Variants in ERC2 observed in about 807,000 individuals in gnomAD.
ERC2 encodes ERC protein 2.
In ERC2, 42 loss-of-function variants were observed where a neutral mutation model predicts 114.8. The observed-to-expected ratio is 0.37, with a 90% CI of 0.29 to 0.47. The LOEUF is 0.47. Among genes scored for constraint, ERC2 ranks in the 20% least tolerant of loss-of-function variants. The pLI is 0.99. For synonymous variants in ERC2, 454 were observed against 425.5 expected, an observed-to-expected ratio of 1.07 and a Z score of -0.82; for missense variants, 939 against 1,150.7, an observed-to-expected ratio of 0.82 and a Z score of 2.66.
At chr3:56,120,536 G>A (rs1264388823) in intron 6 of ERC2, among the ~76,000 whole-genome samples, 2 of 152,092 alleles carry the variant, frequency 1.3e-5, no homozygotes, top group African/African-American at 4.8e-5. Context: ...GGAGGTGGGA[G>A]GTTTTCACCT....
At chr3:56,051,054 G>A (rs1183638755) in intron 7 of ERC2, among the ~76,000 whole-genome samples, 1 of 152,152 alleles carries the variant, frequency 6.6e-6, no homozygotes, top group Non-Finnish European at 1.5e-5. Context: ...GCAGCCAGAG[G>A]TCCTGAAAAG....
intron 17 of ERC2, among the ~76,000 whole-genome samples, chr3:55,527,298 C>T (rs1006274218): frequency 2.6e-5 from 4 of 152,154 alleles, no homozygotes; most frequent in Non-Finnish European, 1.5e-5. Context: ...TAGCATAGAC[C>T]AGACATGTTA....
At chr3:56,437,346 G>A (rs1028197750) in intron 1 of ERC2, among the ~76,000 whole-genome samples, 2 of 152,224 alleles carry the variant, frequency 1.3e-5, no homozygotes, top group Non-Finnish European at 2.9e-5. Flanking sequence ...GGGCATGAGC[G>A]AGCCCAGCTG....
At chr3:55,718,119 T>C (rs965729081) in intron 15 of ERC2, among the ~76,000 whole-genome samples, 1 of 152,082 alleles carries the variant, frequency 6.6e-6, no homozygotes, top group Non-Finnish European at 1.5e-5. Context: ...CAGTGAAAAA[T>C]TGTCTGCCTT....
At chr3:56,357,110 G>A (rs991755084) in intron 2 of ERC2, among the ~76,000 whole-genome samples, 2 of 152,206 alleles carry the variant, frequency 1.3e-5, no homozygotes, top group Admixed American at 6.5e-5. Context: ...TGCAAAAGCA[G>A]CCATGCTTCT....
intron 7 of ERC2, among the ~76,000 whole-genome samples, chr3:56,068,535 T>A (rs2076584798): frequency 6.6e-6 from 1 of 152,196 alleles, no homozygotes; most frequent in African/African-American, 2.4e-5. Flanking sequence ...CTTTTGTGTC[T>A]CTATCTCCAT....
chr3:55,973,967 A>G (rs993022912), intron 12 of ERC2, among the ~76,000 whole-genome samples: 2 of 152,190 alleles, frequency 1.3e-5, no homozygotes, highest in Non-Finnish European at 2.9e-5. Flanking sequence ...AAAACTATAT[A>G]AAAGTAAGAT....
At chr3:55,851,688 C>A (rs1204058884) in intron 14 of ERC2, among the ~76,000 whole-genome samples, 1 of 151,770 alleles carries the variant, frequency 6.6e-6, no homozygotes, top group African/African-American at 2.4e-5. Context: ...TCCTGCCCAC[C>A]TAACTTTTAA....
intron 6 of ERC2, among the ~76,000 whole-genome samples, chr3:56,099,880 C>T (rs1197302151): frequency 6.6e-6 from 1 of 152,140 alleles, no homozygotes; most frequent in Non-Finnish European, 1.5e-5. Flanking sequence ...TCCCCCTTGC[C>T]AGACACATTT....
chr3:55,657,807 A>G (rs1239314899), intron 17 of ERC2: 1 of 152,204 alleles, frequency 6.6e-6, no homozygotes, highest in Non-Finnish European at 1.5e-5. Context: ...TTCCCTGTAA[A>G]GTGTAGATAA....
chr3:55,578,584 A>G (rs1463095336), intron 17 of ERC2, among the ~76,000 whole-genome samples: 2 of 152,216 alleles, frequency 1.3e-5, no homozygotes, highest in African/African-American at 4.8e-5. Context: ...AACAAATACT[A>G]TCTACTTACA....
chr3:55,799,460 T>TGCCTTATATGTATGC (rs72311184), intron 14 of ERC2, among the ~76,000 whole-genome samples: 35 of 140,060 alleles, frequency 2.5e-4, no homozygotes, highest in South Asian at 4.4e-4. Flanking sequence ...CATATATATA[T>TGCCTTATATGTATGC]ATATATATAT....
At chr3:55,946,499 A>G (rs1056391158) in intron 13 of ERC2, among the ~76,000 whole-genome samples, 1 of 152,202 alleles carries the variant, frequency 6.6e-6, no homozygotes, top group African/African-American at 2.4e-5. Context: ...CTATGACTAA[A>G]AGCTCATTAT....
At chr3:55,940,717 C>A (rs192057725) in intron 13 of ERC2, among the ~76,000 whole-genome samples, 1 of 152,164 alleles carries the variant, frequency 6.6e-6, no homozygotes, top group Non-Finnish European at 1.5e-5. Context: ...CAAAAAACAT[C>A]ATTGGGAATG....
At chr3:55,721,897 T>C (rs943942506) in intron 15 of ERC2, among the ~76,000 whole-genome samples, 1 of 152,192 alleles carries the variant, frequency 6.6e-6, no homozygotes, top group Admixed American at 6.5e-5. Context: ...ACCTTTCTGG[T>C]TGGCTTCTGA....
intron 2 of ERC2, among the ~76,000 whole-genome samples, chr3:56,418,093 C>G (rs1405688382): frequency 6.6e-6 from 1 of 151,978 alleles, no homozygotes; most frequent in African/African-American, 2.4e-5. Flanking sequence ...TCAAGACCAG[C>G]CTGGCCAACA....
chr3:56,130,902 G>A (rs2080166060), intron 6 of ERC2, among the ~76,000 whole-genome samples: 1 of 152,128 alleles, frequency 6.6e-6, no homozygotes, highest in South Asian at 2.1e-4. Flanking sequence ...CGCATTCTAA[G>A]GCTCACAAAG....
chr3:56,185,835 T>G (rs1293082580), intron 3 of ERC2, among the ~76,000 whole-genome samples: 2 of 152,100 alleles, frequency 1.3e-5, no homozygotes, highest in Non-Finnish European at 2.9e-5. Context: ...ACATGTGCCT[T>G]ATAAAAGCTG....
chr3:55,635,438 T>A (rs564761036), intron 17 of ERC2, among the ~76,000 whole-genome samples: 5 of 152,150 alleles, frequency 3.3e-5, no homozygotes, highest in African/African-American at 1.2e-4. Context: ...TCACCCAGGC[T>A]GGAGTGCAGT....
Sources: allele counts gnomAD v4.1 joint callset (sites outside exome capture counted in the v4.1 genomes callset), GRCh38; gene constraint gnomAD v4.1.1; transcripts MANE v1.5; gene names NCBI Gene and HGNC (gene_info 2026-07-23, HGNC 2026-07-21).